The following EPHA2 variants were observed in gnomAD, a reference collection of about 807,000 sequenced individuals.
EPHA2 encodes the protein ephrin type-A receptor 2.
EPHA2 carries 54 observed loss-of-function variants against 104.9 expected under a neutral mutation model. The ratio of observed to expected loss-of-function variants is 0.51; its 90% CI spans 0.41 to 0.65. The LOEUF is 0.65. EPHA2 is among the 30% of genes least tolerant of loss of function. The pLI, the probability that EPHA2 is intolerant of heterozygous loss-of-function variation, is 0.00. For missense variants in EPHA2, 1,117 were observed against 1,369.5 expected, an observed-to-expected ratio of 0.82 and a Z score of 2.91; for synonymous variants, 560 against 559.1, an observed-to-expected ratio of 1.00 and a Z score of -0.02.
Position 16,137,889 on chromosome 1 carries a change from T to A in EPHA2, c.1276A>T (p.Ser426Cys). 1 of 1,613,902 alleles carries A rather than the reference T, an allele frequency of 6.2e-7. No homozygotes were observed. Among genetic ancestry groups the A allele is most frequent in the Non-Finnish European group, 8.5e-7 (1 of 1,179,974 alleles). The change falls in exon 5 of 17, where the codon AGC becomes TGC. Residue 426 changes from serine to cysteine, a missense_variant. This residue lies in a region of EPHA2 where 664 missense variants were observed against 784.8 expected (regional missense o/e 0.85). Coordinates refer to ENST00000358432, the MANE Select transcript of EPHA2 (RefSeq NM_004431.5). Reference protein sequence around the residue: ...NGVSGLVTSRSFRTASVSINQ... With the variant: ...NGVSGLVTSRCFRTASVSINQ... ...ATGCTGACACTGGCAGTACGGAAGC[T>A]GCGGCTGGTTACCAGGCCTGAGACG...
chr1:16,143,796 C>CT (rs1226461660), intron 3 of EPHA2, among the ~76,000 whole-genome samples: 2 of 152,164 alleles, frequency 1.3e-5, no homozygotes, highest in Non-Finnish European at 2.9e-5. Flanking sequence ...GGAGCTTGGA[C>CT]TTTGTCTCTG....
At chr1:16,144,360 C>A (rs566204737) in intron 3 of EPHA2, among the ~76,000 whole-genome samples, 1 of 152,116 alleles carries the variant, frequency 6.6e-6, no homozygotes, top group South Asian at 2.1e-4. Flanking sequence ...ACAAAGCCTG[C>A]GAGCCACAGC....
chr1:16,134,695 T>G lies in EPHA2; in HGVS notation c.1583-128A>C, dbSNP rs1283020843. ...TTGCACTTGGGAAGGCTCCAGAGGGTACTTAGTCCCATTTCATAGACGGTC... is the reference window on the plus strand; with the variant it reads ...TTGCACTTGGGAAGGCTCCAGAGGGGACTTAGTCCCATTTCATAGACGGTC... On this transcript the variant is annotated intron_variant, in intron 7 of 16. Transcript: ENST00000358432. This position sits in a 1 kb window ranked among gnomAD's most constrained non-coding sequence, Gnocchi z 4.5. The G allele has an allele frequency of 9.9e-7, 1 of 1,009,004 alleles. No individual in the cohort carries two copies. The highest frequency in any genetic ancestry group is 2.6e-5 in the East Asian group (1 of 38,436). 62.5% of individuals were successfully genotyped at this position (1,009,004 alleles called of 1,614,324 possible). A position where few individuals can be genotyped will look rare whatever the true frequency, so the allele number is the denominator to read the frequency against.
In EPHA2 at chr1:16,133,750, C is replaced by T. The variant is rs2024626507; in HGVS notation, c.1738+110G>A. ...GACCCCTCAGAGCTGCCCACGGAAG[C>T]CTGTGGCCCCACCCCAGTGCCCTGG... On this transcript the variant is annotated intron_variant, in intron 9 of 16. Coordinates refer to ENST00000358432, the MANE Select transcript of EPHA2 (RefSeq NM_004431.5). 9.4e-6 allele frequency: 14 copies of T among 1,486,090 alleles called. No homozygotes were observed. The South Asian group carries it at 1.8e-4, about 20-fold the overall frequency. 92.1% of individuals were successfully genotyped at this position (1,486,090 alleles called of 1,614,324 possible).
At chr1:16,132,959 G>A (rs1263316786) in intron 11 of EPHA2, 2 of 581,628 alleles carry the variant, frequency 3.4e-6, no homozygotes, top group Non-Finnish European at 6.1e-6. Context: ...GGAGAGGTGG[G>A]CACGGGTGTA....
intron 1 of EPHA2, chr1:16,155,210 T>C (rs527646475): frequency 1.3e-5 from 2 of 152,426 alleles, no homozygotes; most frequent in Non-Finnish European, 2.9e-5. Context: ...TGGGACTTCC[T>C]GTCCGCACTC....
At chr1:16,152,679 C>G (rs1035461074) in intron 1 of EPHA2, among the ~76,000 whole-genome samples, 3 of 152,250 alleles carry the variant, frequency 2.0e-5, no homozygotes, top group Admixed American at 1.3e-4. Context: ...GTCCTGCAGC[C>G]CCCCCTTAGA....
rs928940064 is a variant in EPHA2, at chr1:16,128,930, CG to C, written c.2825+503del. On this transcript the variant is annotated intron_variant, in intron 16 of 16. Transcript: ENST00000358432. This position sits in a 1 kb window ranked among gnomAD's most constrained non-coding sequence, Gnocchi z 4.7. ...ACTGGCTGTGTGACCTCAGGCAAGC[CG>C]GTAACATCTCAGCCTGTTTCTCTAC... 1.3e-5 allele frequency among the ~76,000 whole-genome samples: 2 copies of C among 151,916 alleles called. No individual in the cohort carries two copies. Among genetic ancestry groups the C allele is most frequent in the African/African-American group, 4.8e-5 (2 of 41,336 alleles).
chr1:16,135,140 G>A lies in EPHA2; in HGVS notation c.1478C>T (p.Thr493Ile), dbSNP rs1468746593. 1 of 1,613,936 alleles carries A rather than the reference G, an allele frequency of 6.2e-7. No homozygotes were observed. Among genetic ancestry groups the A allele is most frequent in the Non-Finnish European group, 8.5e-7 (1 of 1,180,040 alleles). The change falls in exon 7 of 17, where the codon ACC becomes ATC. Residue 493 changes from threonine to isoleucine, a missense_variant. By Grantham distance (89) the Thr-to-Ile change is moderately conservative. Transcript: ENST00000358432. This position sits in a 1 kb window ranked among gnomAD's most constrained non-coding sequence, Gnocchi z 4.3. ...NVRRTEGFSV[T>I]LDDLAPDTTY... ...GGTGTCTGGGGCCAGGTCGTCCAGGGTCACGGAGAAACCCTCGGTGCGGCG... is the reference window on the plus strand; with the variant it reads ...GGTGTCTGGGGCCAGGTCGTCCAGGATCACGGAGAAACCCTCGGTGCGGCG...
rs1215365718 is a variant in EPHA2 at position 16,148,582 on chromosome 1, C to T, written c.619G>A (p.Gly207Ser). Reference protein sequence around the residue: ...YYKKCPELLQGLAHFPETIAG... With the variant: ...YYKKCPELLQSLAHFPETIAG... ...ATGGTCTCAGGGAAGTGGGCCAGGCCCTGCAGCAGCTCGGGGCACTTCTTG... is the reference window on the plus strand; with the variant it reads ...ATGGTCTCAGGGAAGTGGGCCAGGCTCTGCAGCAGCTCGGGGCACTTCTTG... The change falls in exon 3 of 17, where the codon GGC becomes AGC. Residue 207 changes from glycine to serine, a missense_variant. By Grantham distance (56) the Gly-to-Ser change is moderately conservative (BLOSUM62 0). This residue lies in a region of EPHA2 where 664 missense variants were observed against 784.8 expected (regional missense o/e 0.85). Transcript: ENST00000358432. The surrounding 1 kb of genome is among the most constrained non-coding windows in gnomAD (Gnocchi z 4.9). The T allele has an allele frequency of 1.2e-6, 2 of 1,611,248 alleles. No homozygotes were observed. The highest frequency in any genetic ancestry group is 3.3e-5 in the Admixed American group (2 of 59,986).
rs2124198899 is a variant in EPHA2, at chr1:16,131,738, C to T, written c.2458G>A (p.Glu820Lys). The change falls in exon 14 of 17, where the codon GAG (glutamate) becomes AAG (lysine). Residue 820 changes from glutamate (E) to lysine (K), a missense_variant. This residue lies in a region of EPHA2 where 340 missense variants were observed against 480.5 expected (regional missense o/e 0.71). Transcript: ENST00000358432. This position sits in a 1 kb window ranked among gnomAD's most constrained non-coding sequence, Gnocchi z 5.2. The stretch of plus-strand genomic sequence containing the variant: ...GCACCCACCTCGTGGTTGGACAACT[C>T]CCAGTAGGGCCGCTCGCCATAGGTC... The part of the protein sequence containing the change: ...VMTYGERPYW[E>K]LSNHEVMKAI... 6 of 1,614,102 alleles carry T rather than the reference C, an allele frequency of 3.7e-6. No individual in the cohort carries two copies. The highest frequency in any genetic ancestry group is 5.1e-6 in the Non-Finnish European group (6 of 1,180,020).
In EPHA2 at chr1:16,135,303, T is replaced by C. The variant is rs948499370; in HGVS notation, c.1429-114A>G. 7.2e-7 allele frequency: 1 copy of C among 1,380,772 alleles called. No homozygotes were observed. The highest frequency in any genetic ancestry group is 1.0e-6 in the Non-Finnish European group (1 of 984,382). The allele number at this position is 1,380,772 out of a possible 1,614,324, so 85.5% of individuals were successfully genotyped here. ...AGGTGGCTTGCCTTTGTTAGCAAAC[T>C]TGAGGCTCTTCTTACAGAGGAGGAA... On this transcript the variant is annotated intron_variant, in intron 6 of 16. Transcript: ENST00000358432. The surrounding 1 kb of genome is among the most constrained non-coding windows in gnomAD (Gnocchi z 4.3).
At position 16,135,284 on chromosome 1, in the gene EPHA2, C is replaced by T; in HGVS notation, c.1429-95G>A. 2 of 1,546,288 alleles carry T rather than the reference C, an allele frequency of 1.3e-6. No homozygotes were observed. On this transcript the variant is annotated intron_variant, in intron 6 of 16. Coordinates refer to ENST00000358432, the MANE Select transcript of EPHA2 (RefSeq NM_004431.5). This position sits in a 1 kb window ranked among gnomAD's most constrained non-coding sequence, Gnocchi z 4.3. ...AGACCACCCCAAGCTAGCAAGGTGGCTTGCCTTTGTTAGCAAACTTGAGGC... is the reference window on the plus strand; with the variant it reads ...AGACCACCCCAAGCTAGCAAGGTGGTTTGCCTTTGTTAGCAAACTTGAGGC...
rs374984645 is a variant in EPHA2 at position 16,143,432 on chromosome 1, C to T, written c.823+4946G>A. On this transcript the variant is annotated intron_variant, in intron 3 of 16. Transcript: ENST00000358432. Reference sequence around the variant, plus strand: ...TACACAAGAGCCTAACTTTGGCACACCTGTGGCACACCTGTGGAGAGCTGT... The same window carrying T: ...TACACAAGAGCCTAACTTTGGCACATCTGTGGCACACCTGTGGAGAGCTGT... Among the ~76,000 whole-genome samples the T allele has an allele frequency of 4.0e-5, 6 of 151,802 alleles. No individual in the cohort carries two copies. The South Asian group carries it at 1.2e-3, about 31-fold the overall frequency.
chr1:16,137,442 C>CA (rs1160773843), intron 5 of EPHA2, among the ~76,000 whole-genome samples: 1 of 151,836 alleles, frequency 6.6e-6, no homozygotes, highest in African/African-American at 2.4e-5. Context: ...CCTAAAAATA[C>CA]AAAAAATTAG....
chr1:16,130,489 T>C lies in EPHA2; in HGVS notation c.2476-70A>G, dbSNP rs1211668612. 3.4e-6 allele frequency: 5 copies of C among 1,454,254 alleles called. No homozygotes were observed. The highest frequency in any genetic ancestry group is 2.4e-5 in the East Asian group (1 of 42,346). The allele number at this position is 1,454,254 out of a possible 1,614,324, so 90.1% of individuals were successfully genotyped here. ...GAAACCCTCTGCAGCCTCCAGCCTA[T>C]GGAGGTGGGCAGGGGAGGGGAGGGG... is the stretch of plus-strand genomic sequence containing the variant. On this transcript the variant is annotated intron_variant, in intron 14 of 16. Coordinates refer to ENST00000358432, the MANE Select transcript of EPHA2 (RefSeq NM_004431.5). This position sits in a 1 kb window ranked among gnomAD's most constrained non-coding sequence, Gnocchi z 4.5.
At chr1:16,136,303 A>AAATAAT (rs35523202) in intron 5 of EPHA2, among the ~76,000 whole-genome samples, 8,389 of 140,816 alleles carry the variant, frequency 0.06, 254 homozygotes, top group African/African-American at 0.073. Flanking sequence ...ACGAGTGCAT[A>AAATAAT]AATAATAATA....
At chr1:16,129,285 G>A in intron 16 of EPHA2, 149 bp downstream of exon 16, 1 of 954,962 alleles carries the variant, frequency 1.0e-6, no homozygotes, top group Non-Finnish European at 1.6e-6. Context: ...GCGGAGTTCT[G>A]CCCTTCTCTT....
At position 16,135,724 on chromosome 1, in the gene EPHA2, G is replaced by C; in HGVS notation, c.1359C>G (p.Ser453Arg). 1.2e-6 allele frequency: 2 copies of C among 1,613,548 alleles called. No individual in the cohort carries two copies. Among genetic ancestry groups the C allele is most frequent in the Non-Finnish European group, 1.7e-6 (2 of 1,179,958 alleles). ...GCGGCGGGGGGATGCTCCAGGAGACGCTAAGCGAGGTGGTGCTGCGGCCCT... is the reference window on the plus strand; with the variant it reads ...GCGGCGGGGGGATGCTCCAGGAGACCCTAAGCGAGGTGGTGCTGCGGCCCT... Reference protein sequence around the residue: ...RLEGRSTTSLSVSWSIPPPQQ... With the variant: ...RLEGRSTTSLRVSWSIPPPQQ... Residue 453 changes from serine to arginine, a missense_variant, in exon 6 of 17, where the codon AGC becomes AGG. This residue lies in a region of EPHA2 where 664 missense variants were observed against 784.8 expected (regional missense o/e 0.85). Transcript: ENST00000358432. This position sits in a 1 kb window ranked among gnomAD's most constrained non-coding sequence, Gnocchi z 4.3.
Sources: gnomAD v4.1 joint callset for allele counts (sites outside exome capture counted in the v4.1 genomes callset) on GRCh38, gnomAD v4.1.1 for gene constraint, gnomAD v4.1.1 regional missense constraint, Gnocchi (gnomAD v3.1) non-coding constraint, MANE v1.5 for transcripts, NCBI Gene and HGNC (gene_info 2026-07-23, HGNC 2026-07-21) for gene names.